The following PSMD6 variants were observed in gnomAD, a reference collection of about 807,000 sequenced individuals.
PSMD6 encodes proteasome 26S subunit, non-ATPase 6.
In PSMD6, 7 loss-of-function variants were observed where a neutral mutation model predicts 44.9. The ratio of observed to expected loss-of-function variants is 0.16; its 90% CI spans 0.09 to 0.29. PSMD6 has a LOEUF of 0.29. Ranked by LOEUF, PSMD6 falls within the 10% of genes least tolerant of loss-of-function variation. PSMD6 has a pLI of 1.00. For missense variants in PSMD6, 420 were observed against 482.6 expected (o/e 0.87, Z 1.21); for synonymous variants, 184 against 172.7 (o/e 1.07, Z -0.51).
At chr3:64,022,991 C>G in intron 1 of PSMD6, 1 of 1,425,386 alleles carries the variant, frequency 7.0e-7, no homozygotes, top group East Asian at 2.5e-5. Flanking sequence ...GGCCTTTACT[C>G]TGTGCCTAGC....
intron 1 of PSMD6, 83 bp from the exon 2 acceptor site, chr3:64,022,606 C>A (rs2106877106): frequency 6.4e-7 from 1 of 1,550,570 alleles, no homozygotes; most frequent in East Asian, 2.4e-5. Flanking sequence ...ACCCCCCGCC[C>A]CGCCACAAGT....
intron 5 of PSMD6, chr3:64,016,986 A>G (rs1315805429): frequency 6.6e-6 from 1 of 152,254 alleles, no homozygotes; most frequent in Non-Finnish European, 1.5e-5. Flanking sequence ...ACAAAATGAA[A>G]TACTGATACA....
At chr3:64,023,234 C>T in intron 1 of PSMD6, 41 bp downstream of exon 1, 1 of 1,529,198 alleles carries the variant, frequency 6.5e-7, no homozygotes, top group Non-Finnish European at 8.8e-7. Context: ...CGGGGACGGC[C>T]CAGGCCTAGG....
At position 64,013,290 on chromosome 3, in the gene PSMD6, G is replaced by A. The variant is rs912872244; in HGVS notation, c.995+149C>T. The A allele has an allele frequency of 1.4e-4, 97 of 708,042 alleles. 2 individuals are homozygous for A. In the Middle Eastern group the frequency reaches 2.1e-3, roughly 15 times the overall value. 43.9% of individuals were successfully genotyped at this position (708,042 alleles called of 1,614,324 possible). ...GAGGAAGGCAGAGGCAACAGGATAC[G>A]AATGTTTTGATAATACTGAGGAAAA... On this transcript the variant is annotated intron_variant, in intron 6 of 7. Transcript: ENST00000295901.
chr3:64,019,695 T>C (rs1051771892), intron 2 of PSMD6: 3 of 398,460 alleles, frequency 7.5e-6, no homozygotes, highest in Non-Finnish European at 1.3e-5. Flanking sequence ...AGGAAAACAA[T>C]TTAAGAAAAA....
At chr3:64,023,186 G>C (rs1211461558) in intron 1 of PSMD6, 89 bp downstream of exon 1, 20 of 1,460,716 alleles carry the variant, frequency 1.4e-5, no homozygotes, top group Non-Finnish European at 2.7e-6. Context: ...GAGGGGTCTG[G>C]AGCTCCATCA....
chr3:64,013,399 A>G (rs1363676380), intron 6 of PSMD6, 40 bp downstream of exon 6: 3 of 1,476,366 alleles, frequency 2.0e-6, no homozygotes, highest in South Asian at 2.8e-5. Context: ...TTAAAAGGCA[A>G]CTTTAAAACT....
At chr3:64,013,269 A>T in intron 6 of PSMD6, 170 bp downstream of exon 6, 1 of 568,642 alleles carries the variant, frequency 1.8e-6, no homozygotes, top group Non-Finnish European at 3.0e-6. Context: ...TGACATGAGG[A>T]AGGCAGAGGC....
intron 5 of PSMD6, chr3:64,014,407 A>G (rs2076011952): frequency 6.6e-6 from 1 of 152,156 alleles, no homozygotes; most frequent in Non-Finnish European, 1.5e-5. Flanking sequence ...TGAAGAAAAT[A>G]AAAGTAACAT....
chr3:64,022,297 G>C, intron 2 of PSMD6, 21 bp downstream of exon 2: 1 of 1,611,698 alleles, frequency 6.2e-7, no homozygotes, highest in South Asian at 1.1e-5. Context: ...ACTACAGAGA[G>C]GGAAAACCAT....
At chr3:64,023,719 T>A, upstream of PSMD6, 2 of 1,488,130 alleles carry the variant, frequency 1.3e-6, no homozygotes, top group Non-Finnish European at 1.8e-6. Flanking sequence ...CCTTTTTAGC[T>A]ATTTTACTTT....
rs577788012 is a variant in PSMD6, at chr3:64,018,378, A to G, written c.826+221T>C. 4 of 389,478 alleles carry G rather than the reference A, an allele frequency of 1.0e-5. No homozygotes were observed. In the South Asian group the frequency reaches 1.2e-4, roughly 12 times the overall value. The allele number at this position is 389,478 out of a possible 1,614,324, so 24.1% of individuals were successfully genotyped here. A position where few individuals can be genotyped will look rare whatever the true frequency, so the allele number is the denominator to read the frequency against. Reference sequence around the variant, plus strand: ...CCTCCTTTTTTAAACAACACTTTAAAAATGTAAAAATCATTCTTACCTCCT... The same window carrying G: ...CCTCCTTTTTTAAACAACACTTTAAGAATGTAAAAATCATTCTTACCTCCT... On this transcript the variant is annotated intron_variant, in intron 5 of 7. Transcript: ENST00000295901.
At chr3:64,016,606 C>T (rs1375324213) in intron 5 of PSMD6, 2 of 152,094 alleles carry the variant, frequency 1.3e-5, no homozygotes, top group African/African-American at 2.4e-5. Flanking sequence ...TGAAACTAGT[C>T]ATTAGAAACA....
At position 64,018,847 on chromosome 3, in the gene PSMD6, C is replaced by T; in HGVS notation, c.688G>A (p.Ala230Thr). 6.3e-7 allele frequency: 1 copy of T among 1,591,180 alleles called. No individual in the cohort carries two copies. The highest frequency in any genetic ancestry group is 8.6e-7 in the Non-Finnish European group (1 of 1,159,266). The stretch of plus-strand genomic sequence containing the variant: ...TCCCTGAGATCTGGTCTTTCTAAGG[C>T]AATCATACTGACATAGACAGTATAA... ...VTYTVYVSMI[A>T]LERPDLREKV... Residue 230 changes from alanine to threonine, a missense_variant, in exon 4 of 8, where the codon GCC (alanine) becomes ACC (threonine). By Grantham distance (58) the Ala-to-Thr change is moderately conservative (BLOSUM62 0). Coordinates refer to ENST00000295901, the MANE Select transcript of PSMD6 (RefSeq NM_014814.3).
chr3:64,020,712 C>A (rs959934766), intron 2 of PSMD6, among the ~76,000 whole-genome samples: 2 of 152,174 alleles, frequency 1.3e-5, no homozygotes, highest in African/African-American at 4.8e-5. Context: ...CCAGTCTAAG[C>A]TTTTTCCTAT....
chr3:64,022,502 G>A lies in PSMD6; in HGVS notation c.167C>T (p.Ala56Val). The A allele has an allele frequency of 6.2e-7, 1 of 1,613,912 alleles. No individual in the cohort carries two copies. The highest frequency in any genetic ancestry group is 1.7e-5 in the Admixed American group (1 of 60,030). The change falls in exon 2 of 8, where the codon GCC becomes GTC. Residue 56 changes from alanine to valine, a missense_variant. Coordinates refer to ENST00000295901, the MANE Select transcript of PSMD6 (RefSeq NM_014814.3). ...CTGCCAGTCGAGGGATTTGCACAAG[G>A]CTTCATAGTAAGGAGCCATGTCTAA... ...RDNNMAPYYEALCKSLDWQID... is the reference protein window; with the variant it reads ...RDNNMAPYYEVLCKSLDWQID...
chr3:64,015,290 T>C (rs756751326), intron 5 of PSMD6: 1 of 152,214 alleles, frequency 6.6e-6, no homozygotes, highest in Non-Finnish European at 1.5e-5. Context: ...ACACAATATA[T>C]TTAACCTTTG....
intron 5 of PSMD6, chr3:64,014,915 T>G (rs1019729094): frequency 7.9e-5 from 12 of 152,180 alleles, no homozygotes; most frequent in Non-Finnish European, 1.2e-4. Flanking sequence ...TCTAAGGCAG[T>G]CAGACACTGA....
chr3:64,011,531 A>ACCCAGATTTGAAATTCTT (rs2106837945), intron 6 of PSMD6: 1 of 150,574 alleles, frequency 6.6e-6, no homozygotes, highest in Admixed American at 6.6e-5. Context: ...ATCCATGACA[A>ACCCAGATTTGAAATTCTT]CCCAGATTTG....
Sources: gnomAD v4.1 joint callset for allele counts (sites outside exome capture counted in the v4.1 genomes callset) on GRCh38, gnomAD v4.1.1 for gene constraint, MANE v1.5 for transcripts, NCBI Gene and HGNC (gene_info 2026-07-23, HGNC 2026-07-21) for gene names.